TNS2: variants seen among roughly 807,000 people sequenced by gnomAD.
The protein encoded by TNS2 is tensin-2.
Under a neutral mutation model 155.7 loss-of-function variants are expected in TNS2, and 77 were observed. The ratio of observed to expected loss-of-function variants is 0.49; its 90% confidence interval spans 0.41 to 0.60. The LOEUF (loss-of-function observed/expected upper bound fraction) is 0.60, where lower values mean the gene tolerates loss of function less well. Ranked by LOEUF, TNS2 falls within the 20% of genes least tolerant of loss-of-function variation. The pLI is 0.00. For synonymous variants in TNS2, 726 were observed against 763.9 expected (o/e 0.95, Z 0.82); for missense variants, 1,703 against 1,868.8 (o/e 0.91, Z 1.64).
chr12:53,062,185 C>G lies in TNS2; in HGVS notation c.3607C>G (p.Leu1203Val). Residue 1203 changes from leucine (L) to valine (V), a missense_variant, in exon 23 of 29, where the codon CTC becomes GTC. Coordinates refer to ENST00000314250, the MANE Select transcript of TNS2 (RefSeq NM_170754.4). ...CGTGGAACAGCTGGTCCGCCATTTCCTCATCGAGACTGGGCCCAAAGGGGT... is the reference window on the plus strand; with the variant it reads ...CGTGGAACAGCTGGTCCGCCATTTCGTCATCGAGACTGGGCCCAAAGGGGT... ...DPVEQLVRHF[L>V]IETGPKGVKI... The G allele has an allele frequency of 2.5e-6, 4 of 1,614,142 alleles. No homozygotes were observed. The highest frequency in any genetic ancestry group is 3.4e-6 in the Non-Finnish European group (4 of 1,180,018).
intron 7 of TNS2, 54 bp downstream of exon 7, chr12:53,054,495 T>C (rs1034610110): frequency 6.4e-6 from 9 of 1,399,038 alleles, no homozygotes; most frequent in East Asian, 8.5e-5. Context: ...AGGGTCCAGA[T>C]GGGCGAGGCT....
rs1361538995 is a variant in TNS2 at position 53,064,140 on chromosome 12, A to G, written c.*258A>G. ...GTGTGAGGGGTGAGGAGGCATCAGC[A>G]GTTGAGCCCCGAAGGAGATCAGGCA... On this transcript the variant is annotated 3_prime_UTR_variant, in exon 29 of 29. Coordinates refer to ENST00000314250, the MANE Select transcript of TNS2 (RefSeq NM_170754.4). The G allele has an allele frequency of 1.5e-5, 7 of 456,414 alleles. No individual in the cohort carries two copies. In the East Asian group the frequency reaches 2.3e-4, roughly 15 times the overall value. 28.3% of individuals were successfully genotyped at this position (456,414 alleles called of 1,614,324 possible).
Position 53,059,155 on chromosome 12 carries a change from C to T in TNS2, c.1514C>T (p.Pro505Leu), listed in dbSNP as rs1944277385. The change falls in exon 18 of 29, where the codon CCC becomes CTC. Residue 505 changes from proline to leucine, a missense_variant. Transcript: ENST00000314250. This position sits in a 1 kb window ranked among gnomAD's most constrained non-coding sequence, Gnocchi z 4.7. ...PAPSPEPPPP[P>L]MLSVSSDSGH... is the part of the protein sequence containing the mutation. ...CCCTCTCCAGAGCCTCCACCACCCCCCATGCTCTCTGTCAGCAGCGACTCA... is the reference window on the plus strand; with the variant it reads ...CCCTCTCCAGAGCCTCCACCACCCCTCATGCTCTCTGTCAGCAGCGACTCA... 6.3e-7 allele frequency: 1 copy of T among 1,599,962 alleles called. No individual in the cohort carries two copies. The highest frequency in any genetic ancestry group is 8.5e-7 in the Non-Finnish European group (1 of 1,176,858).
rs191855109 is a variant in TNS2, at chr12:53,063,888, G to A, written c.*6G>A. ...TACTGGGCCAGAGAAAATGAAGGAA[G>A]GCCACAAGCTCAGAGCCCACATCAA... is the stretch of plus-strand genomic sequence containing the variant. On this transcript the variant is annotated 3_prime_UTR_variant, in exon 29 of 29. Coordinates refer to ENST00000314250, the MANE Select transcript of TNS2 (RefSeq NM_170754.4). This position sits in a 1 kb window ranked among gnomAD's most constrained non-coding sequence, Gnocchi z 5.6. 415 of 1,613,826 alleles carry A rather than the reference G, an allele frequency of 2.6e-4. No individual in the cohort carries two copies. The highest frequency in any genetic ancestry group is 6.8e-4 in the Admixed American group (41 of 60,006).
intron 21 of TNS2, 60 bp downstream of exon 21, chr12:53,061,529 C>CT (rs1944385826): frequency 6.4e-7 from 1 of 1,564,942 alleles, no homozygotes; most frequent in African/African-American, 1.4e-5. Context: ...TCTGTCTTGG[C>CT]TTTAAGTCCC....
chr12:53,062,092 T>C, intron 22 of TNS2, 61 bp from the exon 23 acceptor site: 3 of 1,611,684 alleles, frequency 1.9e-6, no homozygotes, highest in Non-Finnish European at 2.5e-6. Context: ...AAGAATCCCA[T>C]TAGGGAAGAA....
Position 53,060,553 on chromosome 12 carries a change from A to G in TNS2, c.2766A>G (p.Glu922=). 6.2e-7 allele frequency: 1 copy of G among 1,613,326 alleles called. No homozygotes were observed. Residue 922 remains glutamate, a splice_region_variant and synonymous_variant, in exon 19 of 29, where the codon GAA becomes GAG. Coordinates refer to ENST00000314250, the MANE Select transcript of TNS2 (RefSeq NM_170754.4). This position sits in a 1 kb window ranked among gnomAD's most constrained non-coding sequence, Gnocchi z 6.1. ...CCAGCAGTCCAGTCCAGGGCAAGGA[A>G]AGGTATGCAGAGGGGCCGGGGATGC... ...LHTSSPVQGK[E]STRRQDTRSP... is the part of the protein sequence containing the mutation.
At position 53,059,944 on chromosome 12, in the gene TNS2, G is replaced by A; in HGVS notation, c.2303G>A (p.Cys768Tyr). Residue 768 changes from cysteine to tyrosine, a missense_variant, in exon 18 of 29, where the codon TGC becomes TAC. Physicochemically the swap from Cys to Tyr is radical, Grantham distance 194. Transcript: ENST00000314250. This position sits in a 1 kb window ranked among gnomAD's most constrained non-coding sequence, Gnocchi z 4.7. ...PKAGEEGHEG[C>Y]SYTMCPEGRY... ...GCAGGCGAGGAAGGGCACGAGGGCT[G>A]CTCCTACACCATGTGCCCCGAAGGC... is the stretch of plus-strand genomic sequence containing the variant. 2 of 1,611,658 alleles carry A rather than the reference G, an allele frequency of 1.2e-6. No individual in the cohort carries two copies. The highest frequency in any genetic ancestry group is 1.7e-6 in the Non-Finnish European group (2 of 1,178,860).
Position 53,057,576 on chromosome 12 carries a change from C to T in TNS2, c.855C>T (p.Ser285=), listed in dbSNP as rs1033348137. The T allele has an allele frequency of 4.3e-6, 7 of 1,611,358 alleles. No homozygotes were observed. The highest frequency in any genetic ancestry group is 1.7e-6 in the Non-Finnish European group (2 of 1,178,238). The change falls in exon 12 of 29, where the codon AGC becomes AGT. Residue 285 remains serine (S), a synonymous_variant. Transcript: ENST00000314250. The part of the protein sequence containing the change: ...ELQPSQRRYI[S]YFSGLLSGSI... ...ACACGCCCTCCACCAGATATATCAGCTACTTCAGTGGGCTGCTATCTGGCT... is the reference window on the plus strand; with the variant it reads ...ACACGCCCTCCACCAGATATATCAGTTACTTCAGTGGGCTGCTATCTGGCT...
At chr12:53,055,924 G>A (rs1032136794) in intron 10 of TNS2, 79 bp downstream of exon 10, 1 of 1,452,302 alleles carries the variant, frequency 6.9e-7, no homozygotes, top group East Asian at 2.3e-5. Flanking sequence ...CATCTCCCCT[G>A]GAGCCCACCT....
rs1944223770 is a variant in TNS2, at chr12:53,058,081, C to G, written c.1074C>G (p.Leu358=). 1 of 1,614,082 alleles carries G rather than the reference C, an allele frequency of 6.2e-7. No individual in the cohort carries two copies. The highest frequency in any genetic ancestry group is 1.7e-5 in the Admixed American group (1 of 60,008). Residue 358 remains leucine, a synonymous_variant, in exon 14 of 29, where the codon CTC becomes CTG. Transcript: ENST00000314250. ...TTTGCATCAGCCTGGAGCCAGCCCTCCTCCTCAAAGGCGATGTCATGGTGA... is the reference window on the plus strand; with the variant it reads ...TTTGCATCAGCCTGGAGCCAGCCCTGCTCCTCAAAGGCGATGTCATGGTGA... ...QQLCISLEPA[L]LLKGDVMVTC...
At chr12:53,049,954 C>T (rs1388775199), upstream of TNS2, 5 of 1,124,378 alleles carry the variant, frequency 4.4e-6, no homozygotes, top group Non-Finnish European at 6.1e-6. Flanking sequence ...GGAATCTGAT[C>T]TCCTGGCCTC....
intron 5 of TNS2, 51 bp from the exon 6 acceptor site, chr12:53,053,914 A>G: frequency 6.2e-7 from 1 of 1,614,094 alleles, no homozygotes; most frequent in Non-Finnish European, 8.5e-7. Context: ...TGGGCAGTCT[A>G]GAGTAGGGGG....
Position 53,054,412 on chromosome 12 carries a change from C to G in TNS2, c.493C>G (p.Leu165Val), listed in dbSNP as rs1307824296. ...CCACCTGCGCGAGCTGGCCCATGTGCTGCAATCCAAGCACCGGGACAAGTA... is the reference window on the plus strand; with the variant it reads ...CCACCTGCGCGAGCTGGCCCATGTGGTGCAATCCAAGCACCGGGACAAGTA... ...RGHLRELAHV[L>V]QSKHRDKYLL... Residue 165 changes from leucine to valine, a missense_variant, in exon 7 of 29, where the codon CTG (leucine) becomes GTG (valine). Physicochemically the swap from Leu to Val is conservative, Grantham distance 32 (BLOSUM62 1). Coordinates refer to ENST00000314250, the MANE Select transcript of TNS2 (RefSeq NM_170754.4). 6.2e-7 allele frequency: 1 copy of G among 1,605,168 alleles called. No individual in the cohort carries two copies. The highest frequency in any genetic ancestry group is 1.3e-5 in the African/African-American group (1 of 74,270).
chr12:53,051,641 C>G (rs1045572543), intron 1 of TNS2, among the ~76,000 whole-genome samples: 1 of 152,214 alleles, frequency 6.6e-6, no homozygotes. Context: ...GCTGACCCAG[C>G]AAAGGTGACG....
At position 53,050,571 on chromosome 12, in the gene TNS2, T is replaced by C. The variant is rs1274414066; in HGVS notation, c.75+311T>C. Among the ~76,000 whole-genome samples the C allele has an allele frequency of 6.6e-6, 1 of 151,642 alleles. No individual in the cohort carries two copies. The highest frequency in any genetic ancestry group is 1.5e-5 in the Non-Finnish European group (1 of 67,900). The stretch of plus-strand genomic sequence containing the variant: ...AGGACTTTGCCATGCGCTATCCAGG[T>C]ATCCTCCAGCAGGCTCAGAGATCAT... On this transcript the variant is annotated intron_variant, in intron 1 of 28. Coordinates refer to ENST00000314250, the MANE Select transcript of TNS2 (RefSeq NM_170754.4). This position sits in a 1 kb window ranked among gnomAD's most constrained non-coding sequence, Gnocchi z 4.7.
At chr12:53,048,132 T>TC (rs1262490850), upstream of TNS2, among the ~76,000 whole-genome samples, 1 of 152,104 alleles carries the variant, frequency 6.6e-6, no homozygotes, top group Non-Finnish European at 1.5e-5. Context: ...GAGCTACTTT[T>TC]CCCCTCGGGA....
chr12:53,062,621 T>A lies in TNS2; in HGVS notation c.3747T>A (p.Asp1249Glu). Residue 1249 changes from aspartate to glutamate, a missense_variant and splice_region_variant, in exon 25 of 29, where the codon GAT becomes GAA. Physicochemically the swap from Asp to Glu is conservative, Grantham distance 45 (BLOSUM62 2). Coordinates refer to ENST00000314250, the MANE Select transcript of TNS2 (RefSeq NM_170754.4). ...CCTGTCGGTTCTCATTGCCCTCAGA[T>A]CCTCTGGAAGAGACCCCAGAGGCTC... ...LPCCLRIPSKDPLEETPEAPV... is the reference protein window; with the variant it reads ...LPCCLRIPSKEPLEETPEAPV... 1 of 1,613,872 alleles carries A rather than the reference T, an allele frequency of 6.2e-7. No homozygotes were observed. The highest frequency in any genetic ancestry group is 2.2e-5 in the East Asian group (1 of 44,844).
In TNS2 at chr12:53,060,419, G is replaced by T. The variant is rs929737281; in HGVS notation, c.2632G>T (p.Val878Leu). Residue 878 changes from valine (V) to leucine (L), a missense_variant, in exon 19 of 29, where the codon GTG becomes TTG. Physicochemically the swap from Val to Leu is conservative, Grantham distance 32. Coordinates refer to ENST00000314250, the MANE Select transcript of TNS2 (RefSeq NM_170754.4). This position sits in a 1 kb window ranked among gnomAD's most constrained non-coding sequence, Gnocchi z 6.1. ...PLASAESLEP[V>L]SWREGPSGHS... is the part of the protein sequence containing the mutation. The stretch of plus-strand genomic sequence containing the variant: ...CTTCACTGCAGAGTCGCTGGAGCCG[G>T]TGTCCTGGAGGGAGGGCCCCAGTGG... 6.2e-7 allele frequency: 1 copy of T among 1,613,186 alleles called. No homozygotes were observed.
Sources: gnomAD v4.1 joint callset for allele counts (sites outside exome capture counted in the v4.1 genomes callset) on GRCh38, gnomAD v4.1.1 for gene constraint, Gnocchi (gnomAD v3.1) non-coding constraint, MANE v1.5 for transcripts, NCBI Gene and HGNC (gene_info 2026-07-23, HGNC 2026-07-21) for gene names.